GPR158: variants seen among roughly 807,000 people sequenced by gnomAD.
GPR158 encodes the protein G protein-coupled receptor 158.
GPR158 carries 30 observed loss-of-function variants against 78.2 expected under a neutral mutation model. The ratio of observed to expected loss-of-function variants is 0.38; its 90% confidence interval spans 0.29 to 0.52. GPR158 has a LOEUF of 0.52. Among genes scored for constraint, GPR158 ranks in the 20% least tolerant of loss-of-function variants. The pLI, the probability that GPR158 is intolerant of heterozygous loss-of-function variation, is 0.83. For synonymous variants in GPR158, 581 were observed against 591.1 expected (o/e 0.98, Z 0.25); for missense variants, 1,463 against 1,523.5 (o/e 0.96, Z 0.66).
In GPR158 at chr10:25,175,324, A is replaced by C; in HGVS notation, c.-97A>C. On this transcript the variant is annotated 5_prime_UTR_variant, in exon 1 of 11. Coordinates refer to ENST00000376351, the MANE Select transcript of GPR158 (RefSeq NM_020752.3). The surrounding 1 kb of genome is among the most constrained non-coding windows in gnomAD (Gnocchi z 6.4). ...GGGTGCCATCTGGAGAAGGGGGAAG[A>C]CTCCTCGAAAAAGTCTGACTGTTGA... 1.4e-6 allele frequency: 1 copy of C among 711,486 alleles called. No individual in the cohort carries two copies. Among genetic ancestry groups the C allele is most frequent in the Admixed American group, 2.7e-5 (1 of 37,102 alleles). The allele number at this position is 711,486 out of a possible 1,614,324, so 44.1% of individuals were successfully genotyped here. A position where few individuals can be genotyped will look rare whatever the true frequency, so the allele number is the denominator to read the frequency against.
chr10:25,378,416 TAA>T (rs1265355512), intron 2 of GPR158, among the ~76,000 whole-genome samples: 1 of 144,346 alleles, frequency 6.9e-6, no homozygotes, highest in East Asian at 2.0e-4. Context: ...TTTTTTTTTT[TAA>T]ATCATTGTTA....
At chr10:25,310,740 G>GTT (rs1444038624) in intron 2 of GPR158, among the ~76,000 whole-genome samples, 1 of 151,980 alleles carries the variant, frequency 6.6e-6, no homozygotes, top group African/African-American at 2.4e-5. Context: ...AGTTTTTGAA[G>GTT]TGAAATTTAT....
intron 2 of GPR158, among the ~76,000 whole-genome samples, chr10:25,253,280 C>A (rs113599813): frequency 2.0e-5 from 3 of 151,024 alleles, no homozygotes; most frequent in Non-Finnish European, 4.4e-5. Context: ...TCTTCTGCGT[C>A]GGTCACGCTG....
chr10:25,239,767 G>A (rs891532692), intron 2 of GPR158, among the ~76,000 whole-genome samples: 2 of 151,992 alleles, frequency 1.3e-5, no homozygotes, highest in Admixed American at 1.3e-4. Context: ...TAGTCTATTG[G>A]TATCTACTAT....
rs1185348272 is a variant in GPR158 at position 25,176,118 on chromosome 10, A to T, written c.698A>T (p.His233Leu). The T allele has an allele frequency of 1.3e-6, 2 of 1,576,122 alleles. No homozygotes were observed. The highest frequency in any genetic ancestry group is 1.7e-6 in the Non-Finnish European group (2 of 1,162,112). Residue 233 changes from histidine to leucine, a missense_variant, in exon 1 of 11, where the codon CAC (histidine) becomes CTC (leucine). By Grantham distance (99) the His-to-Leu change is moderately conservative. Transcript: ENST00000376351. The surrounding 1 kb of genome is among the most constrained non-coding windows in gnomAD (Gnocchi z 6.3). ...FHGLRRKWRP[H>L]LHRRGPNQGP... is the part of the protein sequence containing the mutation. Reference sequence around the variant, plus strand: ...GGCCTCCGGCGCAAGTGGAGGCCCCACTTACACCGCCGCGGCCCCAATCAG... The same window carrying T: ...GGCCTCCGGCGCAAGTGGAGGCCCCTCTTACACCGCCGCGGCCCCAATCAG...
In GPR158 at chr10:25,175,326, TC is replaced by T. The variant is rs937554187; in HGVS notation, c.-93del. ...GTGCCATCTGGAGAAGGGGGAAGAC[TC>T]CTCGAAAAAGTCTGACTGTTGAGAA... On this transcript the variant is annotated 5_prime_UTR_variant, in exon 1 of 11. Coordinates refer to ENST00000376351, the MANE Select transcript of GPR158 (RefSeq NM_020752.3). This position sits in a 1 kb window ranked among gnomAD's most constrained non-coding sequence, Gnocchi z 6.4. 2.1e-5 allele frequency: 15 copies of T among 731,388 alleles called. No homozygotes were observed. The African/African-American group carries it at 2.3e-4, about 11-fold the overall frequency. 45.3% of individuals were successfully genotyped at this position (731,388 alleles called of 1,614,324 possible).
At chr10:25,289,643 A>G (rs1265410304) in intron 2 of GPR158, among the ~76,000 whole-genome samples, 2 of 151,974 alleles carry the variant, frequency 1.3e-5, no homozygotes, top group Non-Finnish European at 2.9e-5. Flanking sequence ...TGTGGTCTCA[A>G]TCTCCTGACC....
At chr10:25,472,389 G>A (rs1338381833) in intron 5 of GPR158, among the ~76,000 whole-genome samples, 2 of 152,194 alleles carry the variant, frequency 1.3e-5, no homozygotes, top group Admixed American at 6.5e-5. Flanking sequence ...TTTGAAGTCA[G>A]GTAGTGTGAT....
At chr10:25,431,181 AT>A (rs1314449643) in intron 4 of GPR158, among the ~76,000 whole-genome samples, 1 of 69,984 alleles carries the variant, frequency 1.4e-5, no homozygotes, top group African/African-American at 4.3e-5. Flanking sequence ...AAACAACCCC[AT>A]CAAAAATTGG....
At chr10:25,327,480 A>G (rs573133001) in intron 2 of GPR158, among the ~76,000 whole-genome samples, 1 of 152,364 alleles carries the variant, frequency 6.6e-6, no homozygotes, top group East Asian at 1.9e-4. Flanking sequence ...GAACCGTTGA[A>G]TTAAATGGTG....
At chr10:25,225,382 A>G (rs914502882) in intron 2 of GPR158, among the ~76,000 whole-genome samples, 2 of 152,082 alleles carry the variant, frequency 1.3e-5, no homozygotes, top group Admixed American at 1.3e-4. Flanking sequence ...TATAAAGGCA[A>G]TAAATGGAAA....
At chr10:25,273,562 G>A (rs1588769418) in intron 2 of GPR158, among the ~76,000 whole-genome samples, 2 of 152,174 alleles carry the variant, frequency 1.3e-5, no homozygotes, top group South Asian at 4.1e-4. Flanking sequence ...ACTGCCAGAA[G>A]TCTGGGTAGG....
intron 3 of GPR158, among the ~76,000 whole-genome samples, chr10:25,401,629 A>G (rs1834447334): frequency 6.6e-6 from 1 of 151,956 alleles, no homozygotes. Context: ...TATTTGCATT[A>G]TTTTACTTTA....
intron 2 of GPR158, among the ~76,000 whole-genome samples, chr10:25,258,900 A>G (rs556871498): frequency 2.6e-5 from 4 of 152,346 alleles, no homozygotes; most frequent in South Asian, 2.1e-4. Context: ...TGTATGTTCT[A>G]TGTATTATAT....
chr10:25,450,777 T>C (rs1835205306), intron 4 of GPR158, among the ~76,000 whole-genome samples: 1 of 152,190 alleles, frequency 6.6e-6, no homozygotes, highest in African/African-American at 2.4e-5. Flanking sequence ...ATTACTGTTG[T>C]ACAAAATTAG....
chr10:25,457,453 A>G (rs1835306307), intron 4 of GPR158, among the ~76,000 whole-genome samples: 1 of 149,602 alleles, frequency 6.7e-6, no homozygotes, highest in South Asian at 2.1e-4. Flanking sequence ...TTTTTTTTTC[A>G]TTTAGAGAAT....
At chr10:25,471,321 G>A (rs1422822280) in intron 5 of GPR158, among the ~76,000 whole-genome samples, 1 of 152,084 alleles carries the variant, frequency 6.6e-6, no homozygotes, top group Non-Finnish European at 1.5e-5. Context: ...GTATTCCATG[G>A]TGTATATGTG....
chr10:25,294,709 C>T (rs1413298912), intron 2 of GPR158, among the ~76,000 whole-genome samples: 1 of 152,158 alleles, frequency 6.6e-6, no homozygotes, highest in Admixed American at 6.5e-5. Flanking sequence ...TAAAGAGATA[C>T]TGCTCTAGCA....
At chr10:25,542,946 A>G (rs928540939) in intron 5 of GPR158, among the ~76,000 whole-genome samples, 1 of 151,966 alleles carries the variant, frequency 6.6e-6, no homozygotes, top group African/African-American at 2.4e-5. Context: ...AGTCCAGGCA[A>G]TCAAGCAGAC....
Sources: gnomAD v4.1 joint callset for allele counts (sites outside exome capture counted in the v4.1 genomes callset) on GRCh38, gnomAD v4.1.1 for gene constraint, Gnocchi (gnomAD v3.1) non-coding constraint, MANE v1.5 for transcripts, NCBI Gene and HGNC (gene_info 2026-07-23, HGNC 2026-07-21) for gene names.